The following ZNF727 variants were observed in gnomAD, a reference collection of about 807,000 sequenced individuals.
ZNF727 encodes the protein zinc finger protein 727, also known as putative zinc finger protein 727.
Under a neutral mutation model 11.5 loss-of-function variants are expected in ZNF727, and 11 were observed. That is an observed-to-expected ratio of 0.95 (90% CI 0.60 to 1.58). The LOEUF (loss-of-function observed/expected upper bound fraction) is 1.58, where lower values mean the gene tolerates loss of function less well. Among genes scored for constraint, ZNF727 ranks in the 40% most tolerant of loss-of-function variants. ZNF727 has a pLI of 0.00. For synonymous variants in ZNF727, 171 were observed against 196.1 expected (o/e 0.87, Z 1.07); for missense variants, 533 against 581.7 (o/e 0.92, Z 0.86).
At chr7:64,052,135 G>T (rs1232036389) in intron 1 of ZNF727, among the ~76,000 whole-genome samples, 2 of 152,164 alleles carry the variant, frequency 1.3e-5, no homozygotes, top group African/African-American at 2.4e-5. Flanking sequence ...GTCTAAGTGT[G>T]CTGTGTATGA....
chr7:64,077,420 A>G lies in ZNF727; in HGVS notation c.371A>G (p.Lys124Arg). 6.4e-7 allele frequency: 1 copy of G among 1,551,990 alleles called. No individual in the cohort carries two copies. Among genetic ancestry groups the G allele is most frequent in the Non-Finnish European group, 8.7e-7 (1 of 1,147,048 alleles). The stretch of plus-strand genomic sequence containing the variant: ...GACTACCAACGTGTGGGTAATTGCA[A>G]GGGGCAGAAAAGCAGTTATAATGGC... The part of the protein sequence containing the change: ...KKDYQRVGNC[K>R]GQKSSYNGIH... Residue 124 changes from lysine to arginine, a missense_variant, in exon 4 of 4, where the codon AAG becomes AGG. Around this residue, in one of 3 missense-constraint regions of ZNF727, gnomAD observed 463 missense variants for 494.5 expected, o/e 0.94. Coordinates refer to ENST00000456806, the MANE Select transcript of ZNF727 (RefSeq NM_001159522.3).
chr7:64,068,068 A>G (rs1318392955), intron 1 of ZNF727, among the ~76,000 whole-genome samples: 1 of 152,108 alleles, frequency 6.6e-6, no homozygotes. Flanking sequence ...TAATCATAGC[A>G]CAGTAGTGTC....
chr7:64,056,087 CAT>C (rs1789681880), intron 1 of ZNF727, among the ~76,000 whole-genome samples: 1 of 151,990 alleles, frequency 6.6e-6, no homozygotes, highest in Non-Finnish European at 1.5e-5. Context: ...TAGCCATTGT[CAT>C]GTGTGTGAAG....
chr7:64,072,523 CTG>C (rs1789977862), intron 3 of ZNF727, among the ~76,000 whole-genome samples: 1 of 152,108 alleles, frequency 6.6e-6, no homozygotes, highest in South Asian at 2.1e-4. Flanking sequence ...TGGCCACAAA[CTG>C]TGACTATCGG....
intron 1 of ZNF727, among the ~76,000 whole-genome samples, chr7:64,068,410 T>C (rs1483366664): frequency 6.6e-6 from 1 of 152,130 alleles, no homozygotes; most frequent in East Asian, 1.9e-4. Context: ...AATATTCTCC[T>C]TGGGCCAGAA....
chr7:64,078,187 T>C lies in ZNF727; in HGVS notation c.1138T>C (p.Phe380Leu). The C allele has an allele frequency of 6.3e-7, 1 of 1,598,036 alleles. No individual in the cohort carries two copies. The highest frequency in any genetic ancestry group is 1.1e-5 in the South Asian group (1 of 89,330). ...AGAATGTGGCAAAACCTTTAAGTGG[T>C]TCTCAGACCTGACTAATCATAAGAG... ...CEECGKTFKW[F>L]SDLTNHKRIH... is the part of the protein sequence containing the mutation. Residue 380 changes from phenylalanine to leucine, a missense_variant, in exon 4 of 4, where the codon TTC (phenylalanine) becomes CTC (leucine). Transcript: ENST00000456806.
rs148832206 is a variant in ZNF727 at position 64,046,114 on chromosome 7, C to T, written c.3+490C>T. 4.3e-3 allele frequency among the ~76,000 whole-genome samples: 648 copies of T among 152,262 alleles called. 4 individuals are homozygous for T. Among genetic ancestry groups the T allele is most frequent in the African/African-American group, 0.015 (615 of 41,540 alleles). On this transcript the variant is annotated intron_variant, in intron 1 of 3. Coordinates refer to ENST00000456806, the MANE Select transcript of ZNF727 (RefSeq NM_001159522.3). ...CACTGCAGCCTCCACCTCCTGGGCT[C>T]AGATGATCCTCCCACCCCAGCTCCC...
rs1785855024 is a variant in ZNF727, at chr7:64,085,270, T to TG, written c.*6721_*6722insG. Among the ~76,000 whole-genome samples, 1 of 152,200 alleles carries TG rather than the reference T, an allele frequency of 6.6e-6. No homozygotes were observed. The highest frequency in any genetic ancestry group is 6.5e-5 in the Admixed American group (1 of 15,284). On this transcript the variant is annotated 3_prime_UTR_variant, in exon 4 of 4. Transcript: ENST00000456806. ...AGAATGCTATTTAATCCAATTTTCA[T>TG]TTAGTTATTGATCATTTTACTTTGT...
chr7:64,060,702 A>G (rs1789756596), intron 1 of ZNF727, among the ~76,000 whole-genome samples: 1 of 151,674 alleles, frequency 6.6e-6, no homozygotes, highest in Admixed American at 6.6e-5. Flanking sequence ...GTATTCATTT[A>G]TTTCTGCTGT....
At chr7:64,056,062 T>C (rs1424088069) in intron 1 of ZNF727, among the ~76,000 whole-genome samples, 1 of 152,242 alleles carries the variant, frequency 6.6e-6, no homozygotes, top group African/African-American at 2.4e-5. Context: ...AGGGATTATG[T>C]TGTTTTTTGT....
At chr7:64,077,159 C>T in intron 3 of ZNF727, 117 bp from the exon 4 acceptor site, 1 of 1,020,220 alleles carries the variant, frequency 9.8e-7, no homozygotes, top group Non-Finnish European at 1.4e-6. Context: ...GGAAGTAGAG[C>T]CTGTGGTATT....
rs554468533 is a variant in ZNF727, at chr7:64,078,888, T to C, written c.*339T>C. Among the ~76,000 whole-genome samples, 5 of 150,950 alleles carry C rather than the reference T, an allele frequency of 3.3e-5. No homozygotes were observed. The South Asian group carries it at 6.3e-4, about 19-fold the overall frequency. ...CTTGCTAAACATAAGATAATTCATATTGGAGAGAAACCCTACAAATGTAAT... is the reference window on the plus strand; with the variant it reads ...CTTGCTAAACATAAGATAATTCATACTGGAGAGAAACCCTACAAATGTAAT... On this transcript the variant is annotated 3_prime_UTR_variant, in exon 4 of 4. Transcript: ENST00000456806.
chr7:64,063,773 A>G lies in ZNF727; in HGVS notation c.4-5118A>G, dbSNP rs181269101. Among the ~76,000 whole-genome samples the G allele has an allele frequency of 6.0e-3, 910 of 152,120 alleles. 3 individuals carry two copies. The highest frequency in any genetic ancestry group is 9.2e-3 in the Non-Finnish European group (626 of 68,004). ...ATGCAATTTGGTAGGAAGAACATGG[A>G]GTCAGAAGCCTTAGGAATCTACTTG... On this transcript the variant is annotated intron_variant, in intron 1 of 3. Coordinates refer to ENST00000456806, the MANE Select transcript of ZNF727 (RefSeq NM_001159522.3).
At chr7:64,065,871 A>G (rs1789856724) in intron 1 of ZNF727, among the ~76,000 whole-genome samples, 1 of 152,136 alleles carries the variant, frequency 6.6e-6, no homozygotes, top group Admixed American at 6.6e-5. Flanking sequence ...GTCACCATGA[A>G]TTTATAACCT....
In ZNF727 at chr7:64,081,816, C is replaced by T. The variant is rs759930224; in HGVS notation, c.*3267C>T. On this transcript the variant is annotated 3_prime_UTR_variant, in exon 4 of 4. Transcript: ENST00000456806. Reference sequence around the variant, plus strand: ...AGAAAGTTGAGCCTATGGAAATGGCCGTCAATGGCCACACTCTACTACAGG... The same window carrying T: ...AGAAAGTTGAGCCTATGGAAATGGCTGTCAATGGCCACACTCTACTACAGG... 3.3e-5 allele frequency among the ~76,000 whole-genome samples: 5 copies of T among 152,080 alleles called. No homozygotes were observed. The highest frequency in any genetic ancestry group is 4.8e-5 in the African/African-American group (2 of 41,402).
chr7:64,075,832 T>C (rs1304532300), intron 3 of ZNF727, among the ~76,000 whole-genome samples: 1 of 152,106 alleles, frequency 6.6e-6, no homozygotes, highest in Non-Finnish European at 1.5e-5. Flanking sequence ...TTGCAGTACA[T>C]AATATACCAA....
At chr7:64,071,270 C>T (rs1284392972) in intron 3 of ZNF727, among the ~76,000 whole-genome samples, 1 of 151,896 alleles carries the variant, frequency 6.6e-6, no homozygotes, top group Non-Finnish European at 1.5e-5. Context: ...TTCTTGTCAA[C>T]ACTTGTTATA....
At chr7:64,057,336 G>GA (rs1361541537) in intron 1 of ZNF727, among the ~76,000 whole-genome samples, 1 of 152,192 alleles carries the variant, frequency 6.6e-6, no homozygotes, top group Non-Finnish European at 1.5e-5. Context: ...ACTGGATAAA[G>GA]AAAATGTGGT....
chr7:64,070,994 C>A (rs1042206091), intron 3 of ZNF727, among the ~76,000 whole-genome samples: 8 of 151,768 alleles, frequency 5.3e-5, no homozygotes, highest in African/African-American at 7.3e-5. Context: ...TGTATATATA[C>A]CATGTTTTTT....
Sources: gnomAD v4.1 joint callset for allele counts (sites outside exome capture counted in the v4.1 genomes callset) on GRCh38, gnomAD v4.1.1 for gene constraint, gnomAD v4.1.1 regional missense constraint, MANE v1.5 for transcripts, NCBI Gene and HGNC (gene_info 2026-07-23, HGNC 2026-07-21) for gene names.